Variants in HS3ST1 observed in about 807,000 individuals in gnomAD.
The protein encoded by HS3ST1 is heparan sulfate glucosamine 3-O-sulfotransferase 1.
Under a neutral mutation model 20.7 loss-of-function variants are expected in HS3ST1, and 8 were observed. The observed-to-expected ratio is 0.39, with a 90% CI of 0.23 to 0.70. The LOEUF (loss-of-function observed/expected upper bound fraction) is 0.70, where lower values mean the gene tolerates loss of function less well. Ranked by LOEUF, HS3ST1 falls within the 30% of genes least tolerant of loss-of-function variation. HS3ST1 has a pLI of 0.46. For missense variants in HS3ST1, 436 were observed against 423.4 expected (o/e 1.03, Z -0.26); for synonymous variants, 205 against 190.4 (o/e 1.08, Z -0.63).
chr4:11,432,548 G>C (rs1719224461), upstream of HS3ST1, among the ~76,000 whole-genome samples: 1 of 152,180 alleles, frequency 6.6e-6, no homozygotes, highest in South Asian at 2.1e-4. Flanking sequence ...AATAGAAAAA[G>C]ATCATCTGTA....
intron 1 of HS3ST1, among the ~76,000 whole-genome samples, chr4:11,411,724 G>A (rs1718641352): frequency 6.6e-6 from 1 of 152,138 alleles, no homozygotes; most frequent in African/African-American, 2.4e-5. Flanking sequence ...TCTGAATGTT[G>A]ATGCAAAATG....
chr4:11,399,664 C>A lies in HS3ST1; in HGVS notation c.342G>T (p.Gln114His). Reference sequence around the variant, plus strand: ...ACGCGGGGGTCTTCTCCACTGTGAGCTGGTGTGGCCAGGAGAAGGGCATCT... The same window carrying A: ...ACGCGGGGGTCTTCTCCACTGTGAGATGGTGTGGCCAGGAGAAGGGCATCT... ...LSQMPFSWPH[Q>H]LTVEKTPAYF... Residue 114 changes from glutamine to histidine, a missense_variant, in exon 2 of 2, where the codon CAG becomes CAT. Physicochemically the swap from Gln to His is conservative, Grantham distance 24. Transcript: ENST00000002596. The surrounding 1 kb of genome is among the most constrained non-coding windows in gnomAD (Gnocchi z 5.1). 1 of 1,613,960 alleles carries A rather than the reference C, an allele frequency of 6.2e-7. No individual in the cohort carries two copies.
At chr4:11,422,040 C>T (rs1435043397) in intron 1 of HS3ST1, among the ~76,000 whole-genome samples, 4 of 152,212 alleles carry the variant, frequency 2.6e-5, no homozygotes, top group East Asian at 1.9e-4. Context: ...ACATTCTTTT[C>T]ATGCCAGAGT....
At chr4:11,425,060 C>T (rs527937787) in intron 1 of HS3ST1, among the ~76,000 whole-genome samples, 9 of 152,218 alleles carry the variant, frequency 5.9e-5, no homozygotes, top group Non-Finnish European at 4.4e-5. Context: ...TTAAGTTTTC[C>T]GATCGGCAGA....
Position 11,423,289 on chromosome 4 carries a change from T to C in HS3ST1, c.-109+5410A>G, listed in dbSNP as rs575754676. Among the ~76,000 whole-genome samples, 7 of 152,272 alleles carry C rather than the reference T, an allele frequency of 4.6e-5. 1 individual carries two copies. In the East Asian group the frequency reaches 1.4e-3, roughly 29 times the overall value. The stretch of plus-strand genomic sequence containing the variant: ...TGCTCAATAGTCAGTTTTATTAAAA[T>C]TGAGAGTATAGCTCAATATCCAAAA... On this transcript the variant is annotated intron_variant, in intron 1 of 1. Coordinates refer to ENST00000002596, the MANE Select transcript of HS3ST1 (RefSeq NM_005114.4).
upstream of HS3ST1, among the ~76,000 whole-genome samples, chr4:11,433,695 C>CT (rs1711519567): frequency 6.6e-6 from 1 of 152,166 alleles, no homozygotes; most frequent in Non-Finnish European, 1.5e-5. Context: ...AGTTTTCCTC[C>CT]TGGCAGGCCT....
rs1718064636 is a variant in HS3ST1, at chr4:11,393,691, T to C, written c.*5391A>G. 6.6e-6 allele frequency: 1 copy of C among 152,200 alleles called. No homozygotes were observed. Among genetic ancestry groups the C allele is most frequent in the Non-Finnish European group, 1.5e-5 (1 of 68,042 alleles). The allele number at this position is 152,200 out of a possible 1,614,324, so 9.4% of individuals were successfully genotyped here. A position where few individuals can be genotyped will look rare whatever the true frequency, so the allele number is the denominator to read the frequency against. On this transcript the variant is annotated 3_prime_UTR_variant, in exon 2 of 2. Transcript: ENST00000002596. ...GCCTCAGCCTGATCTCACGAGGAGC[T>C]CTGAGCATGAGTTGCACCAGAGGTT... is the stretch of plus-strand genomic sequence containing the variant.
intron 1 of HS3ST1, among the ~76,000 whole-genome samples, chr4:11,427,431 T>G (rs1719090344): frequency 6.6e-6 from 1 of 152,144 alleles, no homozygotes; most frequent in African/African-American, 2.4e-5. Context: ...TCCCCGCCAC[T>G]CCTTGAGGCT....
chr4:11,401,017 G>A (rs1718310022), intron 1 of HS3ST1, among the ~76,000 whole-genome samples: 1 of 152,196 alleles, frequency 6.6e-6, no homozygotes, highest in African/African-American at 2.4e-5. Context: ...GTTTTGGAGT[G>A]GTTTGTATTG....
chr4:11,399,681 A>C lies in HS3ST1; in HGVS notation c.325T>G (p.Phe109Val). The C allele has an allele frequency of 1.2e-6, 2 of 1,613,730 alleles. No individual in the cohort carries two copies. The highest frequency in any genetic ancestry group is 1.7e-6 in the Non-Finnish European group (2 of 1,179,936). ...ACTGTGAGCTGGTGTGGCCAGGAGA[A>C]GGGCATCTGGCTGAGGTACCAGCCC... ...GLGWYLSQMP[F>V]SWPHQLTVEK... Residue 109 changes from phenylalanine to valine, a missense_variant, in exon 2 of 2, where the codon TTC becomes GTC. Physicochemically the swap from Phe to Val is conservative, Grantham distance 50. Transcript: ENST00000002596. This position sits in a 1 kb window ranked among gnomAD's most constrained non-coding sequence, Gnocchi z 5.1.
chr4:11,424,378 G>T (rs893695015), intron 1 of HS3ST1, among the ~76,000 whole-genome samples: 2 of 152,180 alleles, frequency 1.3e-5, no homozygotes, highest in Admixed American at 6.5e-5. Context: ...CGGCCCAGTA[G>T]ATATTATTCT....
At chr4:11,414,293 C>G (rs1450976172) in intron 1 of HS3ST1, 4 of 150,304 alleles carry the variant, frequency 2.7e-5, no homozygotes, top group South Asian at 2.1e-4. Context: ...ATTGTTGTGT[C>G]TCTCTTTGAG....
intron 1 of HS3ST1, among the ~76,000 whole-genome samples, chr4:11,402,636 C>G (rs1718355382): frequency 6.6e-6 from 1 of 152,180 alleles, no homozygotes; most frequent in South Asian, 2.1e-4. Context: ...GGACTAACTA[C>G]TACCCTTTAG....
At chr4:11,427,865 C>T (rs184960833) in intron 1 of HS3ST1, among the ~76,000 whole-genome samples, 2 of 152,354 alleles carry the variant, frequency 1.3e-5, no homozygotes, top group East Asian at 1.9e-4. Context: ...TCCTCCGCTT[C>T]CTGGGACAGG....
intron 1 of HS3ST1, among the ~76,000 whole-genome samples, chr4:11,403,409 T>C (rs1407801691): frequency 6.6e-6 from 1 of 152,178 alleles, no homozygotes; most frequent in Non-Finnish European, 1.5e-5. Context: ...GCCATTCCTG[T>C]GTGCCACCTT....
chr4:11,404,101 G>A (rs1393964513), intron 1 of HS3ST1, among the ~76,000 whole-genome samples: 2 of 152,144 alleles, frequency 1.3e-5, no homozygotes, highest in Non-Finnish European at 2.9e-5. Flanking sequence ...CTGGAGTGCA[G>A]TGACATGATC....
intron 1 of HS3ST1, among the ~76,000 whole-genome samples, chr4:11,422,830 C>T (rs1307959420): frequency 2.0e-5 from 3 of 151,682 alleles, no homozygotes; most frequent in East Asian, 1.9e-4. Context: ...TTTCCGTGGA[C>T]GATGGGAGCA....
At position 11,419,309 on chromosome 4, in the gene HS3ST1, A is replaced by G. The variant is rs973120029; in HGVS notation, c.-109+9390T>C. Among the ~76,000 whole-genome samples, 4 of 152,128 alleles carry G rather than the reference A, an allele frequency of 2.6e-5. No homozygotes were observed. The South Asian group carries it at 6.2e-4, about 24-fold the overall frequency. On this transcript the variant is annotated intron_variant, in intron 1 of 1. Transcript: ENST00000002596. ...ATGAATAACAGTGCTTGCTTGAATT[A>G]TATAAATTAAGACTAAAGAAACAAA...
intron 1 of HS3ST1, among the ~76,000 whole-genome samples, chr4:11,415,314 A>G (rs1037832312): frequency 6.6e-6 from 1 of 152,078 alleles, no homozygotes; most frequent in Non-Finnish European, 1.5e-5. Flanking sequence ...GCTATTTTTC[A>G]CTCTGGGCCT....
Sources: gnomAD v4.1 joint callset for allele counts (sites outside exome capture counted in the v4.1 genomes callset) on GRCh38, gnomAD v4.1.1 for gene constraint, Gnocchi (gnomAD v3.1) non-coding constraint, MANE v1.5 for transcripts, NCBI Gene and HGNC (gene_info 2026-07-23, HGNC 2026-07-21) for gene names.